The following CERT1 variants were observed in gnomAD, a reference collection of about 807,000 sequenced individuals.
CERT1 encodes ceramide transporter 1.
In CERT1, 31 loss-of-function variants were observed where a neutral mutation model predicts 87.9. The observed-to-expected ratio is 0.35, with a 90% CI of 0.27 to 0.48. CERT1 has a LOEUF of 0.48. Among genes scored for constraint, CERT1 ranks in the 20% least tolerant of loss-of-function variants. CERT1 has a pLI of 0.99. For missense variants in CERT1, 487 were observed against 758.0 expected, an observed-to-expected ratio of 0.64 and a Z score of 4.20; for synonymous variants, 289 against 250.9, an observed-to-expected ratio of 1.15 and a Z score of -1.44.
intron 5 of CERT1, among the ~76,000 whole-genome samples, chr5:75,425,031 T>C (rs917735878): frequency 5.9e-5 from 9 of 152,052 alleles, no homozygotes; most frequent in African/African-American, 1.4e-4. Flanking sequence ...GATGGGAGAA[T>C]TGCTTGAGGC....
chr5:75,397,786 C>T (rs533741412), intron 11 of CERT1, among the ~76,000 whole-genome samples: 5 of 152,148 alleles, frequency 3.3e-5, no homozygotes, highest in South Asian at 4.1e-4. Flanking sequence ...TTTGGGAGGC[C>T]GAGGTGGGCA....
At chr5:75,467,127 A>G (rs1317097327) in intron 2 of CERT1, among the ~76,000 whole-genome samples, 1 of 152,252 alleles carries the variant, frequency 6.6e-6, no homozygotes, top group Non-Finnish European at 1.5e-5. Context: ...CTACCCAGCA[A>G]TAAAAAGGAA....
At chr5:75,445,289 C>G (rs559164896) in intron 3 of CERT1, among the ~76,000 whole-genome samples, 2 of 152,246 alleles carry the variant, frequency 1.3e-5, no homozygotes, top group East Asian at 3.9e-4. Flanking sequence ...TGCTCATGCA[C>G]TTTTACTAAG....
intron 2 of CERT1, among the ~76,000 whole-genome samples, chr5:75,462,989 T>TAAAAA (rs1765302518): frequency 1.7e-5 from 1 of 59,798 alleles, no homozygotes; most frequent in Non-Finnish European, 2.6e-5. Flanking sequence ...AGACTCCGTC[T>TAAAAA]CAAAAAAAAA....
At chr5:75,444,142 G>A (rs1401839212) in intron 3 of CERT1, among the ~76,000 whole-genome samples, 3 of 151,874 alleles carry the variant, frequency 2.0e-5, no homozygotes, top group Non-Finnish European at 4.4e-5. Flanking sequence ...TGCAACCCCT[G>A]CCGCCCAGGT....
intron 2 of CERT1, among the ~76,000 whole-genome samples, chr5:75,466,039 A>C (rs1389451536): frequency 6.6e-6 from 1 of 152,106 alleles, no homozygotes; most frequent in African/African-American, 2.4e-5. Context: ...CAAAAGCAAA[A>C]AGGATTTTGA....
intron 3 of CERT1, among the ~76,000 whole-genome samples, chr5:75,427,863 T>C (rs1048767454): frequency 6.6e-6 from 1 of 152,192 alleles, no homozygotes; most frequent in Admixed American, 6.5e-5. Flanking sequence ...AAAAGCTACA[T>C]TGTATTTAAT....
At chr5:75,467,085 G>A (rs1189015741) in intron 2 of CERT1, among the ~76,000 whole-genome samples, 1 of 152,102 alleles carries the variant, frequency 6.6e-6, no homozygotes, top group Non-Finnish European at 1.5e-5. Flanking sequence ...TTCAATTGGT[G>A]AATGCCTAAA....
chr5:75,392,557 A>G (rs1037561292), intron 11 of CERT1, among the ~76,000 whole-genome samples: 4 of 152,214 alleles, frequency 2.6e-5, no homozygotes, highest in African/African-American at 9.6e-5. Flanking sequence ...GTAGGAAAAT[A>G]CAAAGTAACC....
chr5:75,385,698 T>C (rs1043954589), intron 13 of CERT1, among the ~76,000 whole-genome samples: 7 of 152,234 alleles, frequency 4.6e-5, no homozygotes, highest in Non-Finnish European at 1.0e-4. Flanking sequence ...GTAGGATTAC[T>C]GAGGTTATTG....
rs138102078 is a variant in CERT1, at chr5:75,402,853, A to C, written c.1017+119T>G. ...TTGTGACTCAATGTATTCACAGTTA[A>C]GCTTCTAGGTTATTAAGTTCACAAT... is the stretch of plus-strand genomic sequence containing the variant. On this transcript the variant is annotated intron_variant, in intron 9 of 16. Coordinates refer to ENST00000643780, the MANE Select transcript of CERT1 (RefSeq NM_001379029.1). 6 of 606,940 alleles carry C rather than the reference A, an allele frequency of 9.9e-6. 1 individual carries two copies. The South Asian group carries it at 1.4e-4, about 14-fold the overall frequency. The allele number at this position is 606,940 out of a possible 1,614,324, so 37.6% of individuals were successfully genotyped here.
chr5:75,468,927 C>A (rs1368072766), intron 2 of CERT1, among the ~76,000 whole-genome samples: 3 of 152,126 alleles, frequency 2.0e-5, no homozygotes, highest in Non-Finnish European at 4.4e-5. Flanking sequence ...GGAAACATGA[C>A]CTTATCAAAC....
In CERT1 at chr5:75,430,036, AG is replaced by A. The variant is rs199612292; in HGVS notation, c.349-3559del. ...GATCTGGTCAAAATGGAAAAAAAAAAGAAAGAGGATGACGAGAGGAGGAAAG... is the reference window on the plus strand; with the variant it reads ...GATCTGGTCAAAATGGAAAAAAAAAAAAAGAGGATGACGAGAGGAGGAAAG... On this transcript the variant is annotated intron_variant, in intron 3 of 16. Coordinates refer to ENST00000643780, the MANE Select transcript of CERT1 (RefSeq NM_001379029.1). 1.2e-3 allele frequency among the ~76,000 whole-genome samples: 175 copies of A among 151,964 alleles called. 1 individual carries two copies. The East Asian group carries it at 0.027, about 24-fold the overall frequency.
intron 3 of CERT1, among the ~76,000 whole-genome samples, chr5:75,448,317 C>T (rs1302541012): frequency 6.6e-6 from 1 of 152,116 alleles, no homozygotes; most frequent in Admixed American, 6.5e-5. Flanking sequence ...CATTATTTGC[C>T]TATGAAGTAC....
At chr5:75,466,611 G>C (rs1274795796) in intron 2 of CERT1, among the ~76,000 whole-genome samples, 2 of 152,122 alleles carry the variant, frequency 1.3e-5, no homozygotes, top group African/African-American at 2.4e-5. Flanking sequence ...TCTGAGTTCC[G>C]GAAGTACTCA....
At chr5:75,370,984 G>T (rs1401649192) in intron 17 of CERT1, 1 of 151,014 alleles carries the variant, frequency 6.6e-6, no homozygotes. Flanking sequence ...AATTTAGGCT[G>T]CAACTCAGTA....
At chr5:75,435,534 T>C (rs1764056356) in intron 3 of CERT1, among the ~76,000 whole-genome samples, 1 of 152,228 alleles carries the variant, frequency 6.6e-6, no homozygotes, top group Non-Finnish European at 1.5e-5. Context: ...TGCTAATTCT[T>C]TCTCAACTCT....
intron 2 of CERT1, among the ~76,000 whole-genome samples, chr5:75,488,162 G>A (rs1561298117): frequency 6.6e-6 from 1 of 151,838 alleles, no homozygotes; most frequent in East Asian, 1.9e-4. Context: ...TGACTAGAGT[G>A]AACAAAAATT....
At chr5:75,499,189 C>A (rs1285014421) in intron 2 of CERT1, among the ~76,000 whole-genome samples, 1 of 152,224 alleles carries the variant, frequency 6.6e-6, no homozygotes, top group African/African-American at 2.4e-5. Context: ...TGCCTTGTCT[C>A]AGATGAGACT....
Sources: allele counts gnomAD v4.1 joint callset (sites outside exome capture counted in the v4.1 genomes callset), GRCh38; gene constraint gnomAD v4.1.1; transcripts MANE v1.5; gene names NCBI Gene and HGNC (gene_info 2026-07-23, HGNC 2026-07-21).